Variants in IL1RAPL2 observed in about 807,000 individuals in gnomAD.
The protein encoded by IL1RAPL2 is X-linked interleukin-1 receptor accessory protein-like 2.
IL1RAPL2 carries 3 observed loss-of-function variants against 44.1 expected under a neutral mutation model. The observed-to-expected ratio is 0.07, with a 90% CI of 0.03 to 0.18. The LOEUF (loss-of-function observed/expected upper bound fraction) is 0.18, where lower values mean the gene tolerates loss of function less well. IL1RAPL2 is among the 10% of genes least tolerant of loss of function. The pLI is 1.00. For synonymous variants in IL1RAPL2, 181 were observed against 178.8 expected (o/e 1.01, Z -0.10); for missense variants, 391 against 496.4 (o/e 0.79, Z 2.02).
intron 1 of IL1RAPL2, among the ~76,000 whole-genome samples, chrX:104,615,981 A>T (rs1268888519): frequency 8.9e-6 from 1 of 112,123 alleles, no homozygotes; most frequent in Admixed American, 9.4e-5. Context: ...ATGATCAGTG[A>T]TGTTGAGCTT....
chrX:105,501,063 G>T (rs1413410955), intron 6 of IL1RAPL2, among the ~76,000 whole-genome samples: 1 of 111,759 alleles, frequency 8.9e-6, no homozygotes, highest in Admixed American at 9.5e-5. Flanking sequence ...GATAGTATTT[G>T]CTTCAATATT....
At chrX:105,143,627 T>C (rs182421278) in intron 2 of IL1RAPL2, among the ~76,000 whole-genome samples, 36 of 112,525 alleles carry the variant, frequency 3.2e-4, no homozygotes, top group African/African-American at 1.1e-3. Context: ...ATCATGCTGC[T>C]ATAAAGACAC....
intron 5 of IL1RAPL2, among the ~76,000 whole-genome samples, chrX:105,368,449 T>G (rs2035312168): frequency 8.9e-6 from 1 of 111,846 alleles, no homozygotes; most frequent in African/African-American, 3.2e-5. Context: ...ATTAAGACAC[T>G]GGGTATAGTA....
At chrX:105,073,088 C>A (rs770770744) in intron 2 of IL1RAPL2, among the ~76,000 whole-genome samples, 61 of 103,910 alleles carry the variant, frequency 5.9e-4, no homozygotes, top group Admixed American at 1.6e-3. Flanking sequence ...TATATGTGCA[C>A]AATATTCAGG....
At chrX:104,875,299 G>T (rs919070239) in intron 2 of IL1RAPL2, among the ~76,000 whole-genome samples, 8 of 111,309 alleles carry the variant, frequency 7.2e-5, no homozygotes, top group African/African-American at 2.6e-4. Flanking sequence ...CATACTTATT[G>T]GTTTATTGAG....
At chrX:105,070,093 T>C (rs965100844) in intron 2 of IL1RAPL2, among the ~76,000 whole-genome samples, 1 of 112,072 alleles carries the variant, frequency 8.9e-6, no homozygotes, top group Non-Finnish European at 1.9e-5. Flanking sequence ...CATTGTAGAA[T>C]AGTATCTCAT....
chrX:105,067,838 T>C (rs145148177), intron 2 of IL1RAPL2, among the ~76,000 whole-genome samples: 6,975 of 111,612 alleles, frequency 0.062, 600 homozygotes, highest in African/African-American at 0.22. Flanking sequence ...TGCACATGAA[T>C]ACACATACAG....
At chrX:104,592,088 A>G (rs1176908363) in intron 1 of IL1RAPL2, among the ~76,000 whole-genome samples, 3 of 93,754 alleles carry the variant, frequency 3.2e-5, no homozygotes, top group Non-Finnish European at 4.2e-5. Flanking sequence ...CAGTGTTGAC[A>G]TTTTCTATCC....
At chrX:104,643,100 G>T (rs1341661964) in intron 1 of IL1RAPL2, among the ~76,000 whole-genome samples, 1 of 111,911 alleles carries the variant, frequency 8.9e-6, no homozygotes, top group African/African-American at 3.2e-5. Flanking sequence ...TTTGCTGCAG[G>T]CTTTCTAACA....
chrX:105,504,982 G>A (rs1483673793), intron 6 of IL1RAPL2, among the ~76,000 whole-genome samples: 1 of 110,794 alleles, frequency 9.0e-6, no homozygotes, highest in Non-Finnish European at 1.9e-5. Flanking sequence ...GTAAATAGAG[G>A]TGTAGCATAC....
chrX:105,199,973 T>C (rs782210655), intron 3 of IL1RAPL2, among the ~76,000 whole-genome samples: 8 of 111,641 alleles, frequency 7.2e-5, no homozygotes, highest in African/African-American at 2.6e-4. Context: ...AATGAACCTG[T>C]TTTTCATATC....
intron 5 of IL1RAPL2, among the ~76,000 whole-genome samples, chrX:105,471,330 C>T (rs751090081): frequency 8.9e-6 from 1 of 112,195 alleles, no homozygotes; most frequent in Non-Finnish European, 1.9e-5. Flanking sequence ...AGAACCTATG[C>T]TTTCAACTAC....
At chrX:105,308,991 A>G (rs1429527181) in intron 5 of IL1RAPL2, among the ~76,000 whole-genome samples, 1 of 110,707 alleles carries the variant, frequency 9.0e-6, no homozygotes, top group African/African-American at 3.3e-5. Context: ...CTAGTGGGGG[A>G]AAGAGGGTAT....
rs1242180552 is a variant in IL1RAPL2, at chrX:105,611,532, T to C, written c.773-105835T>C. ...CTTTTCTGTTTATATATACAAATAT[T>C]TGCAATTGGTGTTACAATTGCCTAC... On this transcript the variant is annotated intron_variant, in intron 6 of 10. Coordinates refer to ENST00000372582, the MANE Select transcript of IL1RAPL2 (RefSeq NM_017416.2). Among the ~76,000 whole-genome samples the C allele has an allele frequency of 2.7e-5, 3 of 112,007 alleles. No individual in the cohort carries two copies. In the East Asian group the frequency reaches 8.4e-4, roughly 32 times the overall value.
chrX:105,418,152 A>G (rs765542037), intron 5 of IL1RAPL2, among the ~76,000 whole-genome samples: 1 of 110,776 alleles, frequency 9.0e-6, no homozygotes, highest in Non-Finnish European at 1.9e-5. Context: ...TATCTAATTG[A>G]TCTTTGTAAT....
intron 5 of IL1RAPL2, among the ~76,000 whole-genome samples, chrX:105,404,733 T>G (rs2035629997): frequency 8.9e-6 from 1 of 112,112 alleles, no homozygotes; most frequent in African/African-American, 3.2e-5. Flanking sequence ...ATTTGTCATC[T>G]GAAAAGGTAT....
intron 2 of IL1RAPL2, among the ~76,000 whole-genome samples, chrX:104,769,520 T>C (rs930647871): frequency 8.9e-6 from 1 of 112,378 alleles, no homozygotes; most frequent in African/African-American, 3.2e-5. Flanking sequence ...TTTTAGGTTT[T>C]TGTTACATGT....
rs113558986 is a variant in IL1RAPL2 at position 105,387,480 on chromosome X, G to C, written c.698-96833G>C. On this transcript the variant is annotated intron_variant, in intron 5 of 10. Coordinates refer to ENST00000372582, the MANE Select transcript of IL1RAPL2 (RefSeq NM_017416.2). ...GAACTCTTGACCTGGTGATCCACCC[G>C]CCTCGGCCTCCCAAAGTGCTGGGAT... Among the ~76,000 whole-genome samples the C allele has an allele frequency of 4.6e-5, 5 of 109,709 alleles. No homozygotes were observed. In the South Asian group the frequency reaches 2.0e-3, roughly 43 times the overall value.
At chrX:104,839,313 T>C (rs1217900810) in intron 2 of IL1RAPL2, among the ~76,000 whole-genome samples, 1 of 111,481 alleles carries the variant, frequency 9.0e-6, no homozygotes, top group Non-Finnish European at 1.9e-5. Context: ...GGATTTTTAT[T>C]GAAGGCCTTT....
Sources: gnomAD v4.1 joint callset for allele counts (sites outside exome capture counted in the v4.1 genomes callset) on GRCh38, gnomAD v4.1.1 for gene constraint, MANE v1.5 for transcripts, NCBI Gene and HGNC (gene_info 2026-07-23, HGNC 2026-07-21) for gene names.